The following ZFAND4 variants were observed in gnomAD, a reference collection of about 807,000 sequenced individuals.
ZFAND4 encodes AN1-type zinc finger protein 4.
Under a neutral mutation model 64.4 loss-of-function variants are expected in ZFAND4, and 43 were observed. The observed-to-expected ratio is 0.67, with a 90% confidence interval of 0.52 to 0.86. The LOEUF is 0.86. Among genes scored for constraint, ZFAND4 ranks in the 40% least tolerant of loss-of-function variants. ZFAND4 has a pLI of 0.00. For synonymous variants in ZFAND4, 296 were observed against 305.7 expected, an observed-to-expected ratio of 0.97 and a Z score of 0.33; for missense variants, 929 against 859.8, an observed-to-expected ratio of 1.08 and a Z score of -1.01.
intron 5 of ZFAND4, among the ~76,000 whole-genome samples, chr10:45,646,099 A>G (rs924806799): frequency 6.6e-6 from 1 of 152,196 alleles, no homozygotes; most frequent in Non-Finnish European, 1.5e-5. Context: ...TTCCACCTCA[A>G]TTAGGTAAAA....
intron 6 of ZFAND4, among the ~76,000 whole-genome samples, chr10:45,639,532 T>A (rs79050563): frequency 0.06 from 9,096 of 152,260 alleles, 398 homozygotes; most frequent in African/African-American, 0.12. Flanking sequence ...TAACATATTT[T>A]AAAAAGTAAT....
chr10:45,658,394 C>T (rs2048268358), intron 2 of ZFAND4, among the ~76,000 whole-genome samples: 1 of 152,230 alleles, frequency 6.6e-6, no homozygotes. Flanking sequence ...CTGACACTGT[C>T]ACCAACTAAA....
At chr10:45,635,195 C>CCAAAAAAAAAAA (rs2046470400) in intron 6 of ZFAND4, among the ~76,000 whole-genome samples, 1 of 27,628 alleles carries the variant, frequency 3.6e-5, no homozygotes. Flanking sequence ...GCCATCTAAG[C>CCAAAAAAAAAAA]AAAAAAAAAA....
chr10:45,643,226 C>G (rs2047147037), intron 5 of ZFAND4, among the ~76,000 whole-genome samples: 1 of 151,542 alleles, frequency 6.6e-6, no homozygotes, highest in Non-Finnish European at 1.5e-5. Flanking sequence ...GGCCTCAAAT[C>G]TTTTGATTTA....
intron 2 of ZFAND4, among the ~76,000 whole-genome samples, chr10:45,659,959 C>T (rs1017915910): frequency 4.6e-5 from 7 of 152,034 alleles, no homozygotes; most frequent in Admixed American, 3.3e-4. Context: ...AGGCGGATCC[C>T]GAGGTCAGGA....
Position 45,653,059 on chromosome 10 carries a change from C to A in ZFAND4, c.185G>T (p.Gly62Val). ...SVKAKIRRLE[G>V]IPICRQHLIW... ...TAAGTGTTGTCGACAGATGGGAATACCTTAAGGGAAAGTTATTAAAAAAAA... is the reference window on the plus strand; with the variant it reads ...TAAGTGTTGTCGACAGATGGGAATAACTTAAGGGAAAGTTATTAAAAAAAA... Residue 62 changes from glycine to valine, a missense_variant and splice_region_variant, in exon 3 of 10, where the codon GGT becomes GTT. Physicochemically the swap from Gly to Val is moderately radical, Grantham distance 109. Coordinates refer to ENST00000344646, the MANE Select transcript of ZFAND4 (RefSeq NM_174890.4). 1 of 1,603,246 alleles carries A rather than the reference C, an allele frequency of 6.2e-7. No individual in the cohort carries two copies. Among genetic ancestry groups the A allele is most frequent in the South Asian group, 1.1e-5 (1 of 89,688 alleles).
chr10:45,619,230 G>A (rs1048802791), intron 8 of ZFAND4, among the ~76,000 whole-genome samples: 13 of 151,246 alleles, frequency 8.6e-5, no homozygotes, highest in African/African-American at 2.9e-4. Context: ...TAGTAGAGAC[G>A]GGGTTTCACC....
chr10:45,655,886 A>G (rs1038677510), intron 2 of ZFAND4, among the ~76,000 whole-genome samples: 1 of 152,192 alleles, frequency 6.6e-6, no homozygotes, highest in Non-Finnish European at 1.5e-5. Flanking sequence ...GCAAACAACA[A>G]AAAAAGCCCA....
Position 45,660,870 on chromosome 10 carries a change from G to A in ZFAND4, c.184+2672C>T, listed in dbSNP as rs561892441. On this transcript the variant is annotated intron_variant, in intron 2 of 9. Transcript: ENST00000344646. ...ATACTTTTTCAGACAAACAAGAAAC[G>A]TTAAAAGATGGCTTTTTTGCAAGAA... Among the ~76,000 whole-genome samples the A allele has an allele frequency of 9.2e-5, 14 of 152,160 alleles. 1 individual carries two copies. The highest frequency in any genetic ancestry group is 7.9e-4 in the Admixed American group (12 of 15,276).
intron 6 of ZFAND4, among the ~76,000 whole-genome samples, chr10:45,637,335 G>A (rs1382429593): frequency 1.8e-5 from 2 of 113,506 alleles, no homozygotes; most frequent in African/African-American, 3.4e-5. Context: ...GCAAGACTCC[G>A]TCTCAAAAAA....
intron 2 of ZFAND4, among the ~76,000 whole-genome samples, chr10:45,660,928 T>C (rs2048431550): frequency 6.6e-6 from 1 of 152,142 alleles, no homozygotes; most frequent in African/African-American, 2.4e-5. Context: ...GAAAAAATGA[T>C]GTAGGTCAGA....
intron 9 of ZFAND4, among the ~76,000 whole-genome samples, chr10:45,617,105 T>C (rs1237788932): frequency 6.7e-6 from 1 of 149,848 alleles, no homozygotes; most frequent in Non-Finnish European, 1.5e-5. Flanking sequence ...AAAAAAAGAA[T>C]GAAACAGGGT....
intron 6 of ZFAND4, among the ~76,000 whole-genome samples, chr10:45,639,365 A>G (rs975838768): frequency 6.6e-6 from 1 of 152,214 alleles, no homozygotes; most frequent in Non-Finnish European, 1.5e-5. Context: ...GTAGGATTAC[A>G]AAAATTACAA....
chr10:45,653,371 A>T (rs543737138), intron 2 of ZFAND4, among the ~76,000 whole-genome samples: 64 of 152,330 alleles, frequency 4.2e-4, no homozygotes, highest in Non-Finnish European at 7.8e-4. Context: ...GAAACTATCA[A>T]CAGAGTAAAG....
chr10:45,620,781 C>T (rs2045362055), intron 8 of ZFAND4: 1 of 152,164 alleles, frequency 6.6e-6, no homozygotes, highest in South Asian at 2.1e-4. Flanking sequence ...CATACCTACC[C>T]CGAAGGATGT....
rs79143079 is a variant in ZFAND4, at chr10:45,629,065, G to A, written c.718-1960C>T. ...ACACAGGCTACCGAGAAATTAAAAG[G>A]AAGTGACTTTATTTTTATGTGTATT... On this transcript the variant is annotated intron_variant, in intron 6 of 9. Transcript: ENST00000344646. Among the ~76,000 whole-genome samples the A allele has an allele frequency of 4.3e-3, 651 of 151,880 alleles. 4 individuals carry two copies. The highest frequency in any genetic ancestry group is 0.014 in the African/African-American group (575 of 41,442).
chr10:45,617,359 G>A lies in ZFAND4; in HGVS notation c.2048+781C>T, dbSNP rs185929232. On this transcript the variant is annotated intron_variant, in intron 9 of 9. Coordinates refer to ENST00000344646, the MANE Select transcript of ZFAND4 (RefSeq NM_174890.4). The stretch of plus-strand genomic sequence containing the variant: ...CAGGGATTGGGATGGGTGTGGTGGC[G>A]GCTCACACCTGAAATTCCAGCACTT... 1.3e-3 allele frequency among the ~76,000 whole-genome samples: 199 copies of A among 152,078 alleles called. 4 individuals carry two copies. The highest frequency in any genetic ancestry group is 0.012 in the Admixed American group (184 of 15,262).
At chr10:45,650,542 T>C (rs1030822035) in intron 4 of ZFAND4, 3 of 151,658 alleles carry the variant, frequency 2.0e-5, no homozygotes, top group African/African-American at 4.8e-5. Context: ...AAAATATATA[T>C]ATTTACCTCA....
intron 8 of ZFAND4, 73 bp from the exon 9 acceptor site, chr10:45,618,333 CA>C: frequency 3.2e-6 from 5 of 1,544,948 alleles, no homozygotes; most frequent in Admixed American, 1.9e-5. Context: ...AAGCAAAACA[CA>C]AAACATAGTC....
Sources: gnomAD v4.1 joint callset for allele counts (sites outside exome capture counted in the v4.1 genomes callset) on GRCh38, gnomAD v4.1.1 for gene constraint, MANE v1.5 for transcripts, NCBI Gene and HGNC (gene_info 2026-07-23, HGNC 2026-07-21) for gene names.